Variants in ZNF804B observed in about 807,000 individuals in gnomAD.
ZNF804B encodes the protein zinc finger protein 804B, also known as zinc finger 804B.
Under a neutral mutation model 101.4 loss-of-function variants are expected in ZNF804B, and 80 were observed. The ratio of observed to expected loss-of-function variants is 0.79; its 90% CI spans 0.66 to 0.95. The LOEUF (loss-of-function observed/expected upper bound fraction) is 0.95, where lower values mean the gene tolerates loss of function less well. Ranked by LOEUF, ZNF804B falls within the 40% of genes least tolerant of loss-of-function variation. The pLI, the probability that ZNF804B is intolerant of heterozygous loss-of-function variation, is 0.00. For missense variants in ZNF804B, 1,673 were observed against 1,561.9 expected (o/e 1.07, Z -1.20); for synonymous variants, 622 against 558.8 (o/e 1.11, Z -1.59).
intron 1 of ZNF804B, among the ~76,000 whole-genome samples, chr7:89,103,072 T>TTTGTTTTG (rs1562885487): frequency 7.2e-6 from 1 of 138,298 alleles, no homozygotes; most frequent in African/African-American, 2.8e-5. Context: ...TTTTTTTTTT[T>TTTGTTTTG]TTTTTTTTTT....
chr7:88,847,703 C>A (rs1791396520), intron 1 of ZNF804B, among the ~76,000 whole-genome samples: 1 of 152,026 alleles, frequency 6.6e-6, no homozygotes, highest in African/African-American at 2.4e-5. Flanking sequence ...ATGAGTGCAG[C>A]AGTGGGGAAA....
chr7:89,090,835 T>C (rs1029737129), intron 1 of ZNF804B, among the ~76,000 whole-genome samples: 3 of 152,006 alleles, frequency 2.0e-5, no homozygotes, highest in Admixed American at 6.6e-5. Context: ...AATATACATA[T>C]ACCCACAGAG....
intron 1 of ZNF804B, among the ~76,000 whole-genome samples, chr7:88,880,550 TTTA>T (rs1330215674): frequency 2.0e-5 from 3 of 152,192 alleles, no homozygotes; most frequent in African/African-American, 7.2e-5. Context: ...TTTTAAAGTC[TTTA>T]TAAAAATTGC....
At chr7:88,831,865 A>G (rs771341884) in intron 1 of ZNF804B, among the ~76,000 whole-genome samples, 1 of 151,816 alleles carries the variant, frequency 6.6e-6, no homozygotes, top group African/African-American at 2.4e-5. Flanking sequence ...TATATTGCCA[A>G]TTTGTCTCCA....
intron 1 of ZNF804B, among the ~76,000 whole-genome samples, chr7:88,926,793 C>T (rs1383890316): frequency 6.6e-6 from 1 of 152,078 alleles, no homozygotes; most frequent in African/African-American, 2.4e-5. Flanking sequence ...AGGTGATTTT[C>T]CTAAGTCCAG....
At chr7:89,030,858 T>C (rs908324337) in intron 1 of ZNF804B, among the ~76,000 whole-genome samples, 53 of 152,250 alleles carry the variant, frequency 3.5e-4, no homozygotes, top group African/African-American at 1.1e-3. Context: ...AATATTATGC[T>C]CCAGCTATAG....
intron 1 of ZNF804B, among the ~76,000 whole-genome samples, chr7:89,168,194 C>G (rs1231625243): frequency 6.6e-6 from 1 of 151,996 alleles, no homozygotes; most frequent in Non-Finnish European, 1.5e-5. Flanking sequence ...TATTTATAAA[C>G]TGATTATCAT....
intron 2 of ZNF804B, among the ~76,000 whole-genome samples, chr7:89,316,314 C>T (rs1338998589): frequency 6.6e-6 from 1 of 152,028 alleles, no homozygotes. Context: ...CTATCTCTGA[C>T]CCTCATCATC....
At chr7:88,859,290 C>T (rs973117260) in intron 1 of ZNF804B, among the ~76,000 whole-genome samples, 2 of 151,966 alleles carry the variant, frequency 1.3e-5, no homozygotes, top group African/African-American at 4.8e-5. Flanking sequence ...TTAATGACAA[C>T]TCATCAGATA....
chr7:89,203,551 T>A (rs986125578), intron 1 of ZNF804B, among the ~76,000 whole-genome samples: 1 of 152,160 alleles, frequency 6.6e-6, no homozygotes, highest in Non-Finnish European at 1.5e-5. Context: ...ATAGAGCTTC[T>A]GTAAAGCATA....
At chr7:88,779,845 G>A (rs981309843) in intron 1 of ZNF804B, among the ~76,000 whole-genome samples, 7 of 151,842 alleles carry the variant, frequency 4.6e-5, no homozygotes, top group South Asian at 2.1e-4. Flanking sequence ...TCCTTTCTTC[G>A]ATTCCCCCAG....
intron 1 of ZNF804B, among the ~76,000 whole-genome samples, chr7:88,909,210 C>T (rs1792514417): frequency 6.6e-6 from 1 of 151,726 alleles, no homozygotes; most frequent in Non-Finnish European, 1.5e-5. Flanking sequence ...TTTTTGCTTT[C>T]CGTTAGGAAG....
intron 1 of ZNF804B, among the ~76,000 whole-genome samples, chr7:89,150,058 C>T (rs981773371): frequency 1.3e-5 from 2 of 151,948 alleles, no homozygotes; most frequent in East Asian, 1.9e-4. Context: ...CAGAAATAAA[C>T]AATTCATGTT....
intron 2 of ZNF804B, among the ~76,000 whole-genome samples, chr7:89,224,473 T>A (rs1488240918): frequency 6.6e-6 from 1 of 152,094 alleles, no homozygotes; most frequent in Admixed American, 6.6e-5. Flanking sequence ...AATTCCCTTT[T>A]TTTGTTTCTG....
At chr7:89,058,386 A>G (rs952494752) in intron 1 of ZNF804B, among the ~76,000 whole-genome samples, 2 of 136,364 alleles carry the variant, frequency 1.5e-5, no homozygotes, top group African/African-American at 5.2e-5. Context: ...TTTATGGTAT[A>G]ACATAATTTT....
At chr7:89,021,393 G>A (rs1163031852) in intron 1 of ZNF804B, among the ~76,000 whole-genome samples, 2 of 152,174 alleles carry the variant, frequency 1.3e-5, no homozygotes, top group Non-Finnish European at 2.9e-5. Context: ...TATGGTTGGG[G>A]TGCAGGGTGG....
chr7:88,790,640 C>T, intron 1 of ZNF804B, among the ~76,000 whole-genome samples: 1 of 152,174 alleles, frequency 6.6e-6, no homozygotes. Flanking sequence ...TCATAGTATT[C>T]CATATCACAT....
At chr7:89,202,215 T>C (rs1230606076) in intron 1 of ZNF804B, among the ~76,000 whole-genome samples, 1 of 152,092 alleles carries the variant, frequency 6.6e-6, no homozygotes, top group East Asian at 1.9e-4. Context: ...ATTTTAGGTG[T>C]GAATTCTTTT....
intron 1 of ZNF804B, among the ~76,000 whole-genome samples, chr7:88,873,291 T>G (rs1456938505): frequency 6.6e-6 from 1 of 152,244 alleles, no homozygotes; most frequent in African/African-American, 2.4e-5. Flanking sequence ...TCTGTTCATG[T>G]CCTTTGCACA....
Sources: allele counts gnomAD v4.1 joint callset (sites outside exome capture counted in the v4.1 genomes callset), GRCh38; gene constraint gnomAD v4.1.1; transcripts MANE v1.5; gene names NCBI Gene and HGNC (gene_info 2026-07-23, HGNC 2026-07-21).